The following TPP2 variants were observed in gnomAD, a reference collection of about 807,000 sequenced individuals.
TPP2 encodes the protein tripeptidyl-peptidase 2.
A neutral mutation model predicts 155.9 loss-of-function variants in TPP2; 34 were observed. The observed-to-expected ratio is 0.22, with a 90% CI of 0.17 to 0.29. The LOEUF (loss-of-function observed/expected upper bound fraction) is 0.29. TPP2 is among the 10% of genes least tolerant of loss of function. The pLI, the probability that TPP2 is intolerant of heterozygous loss-of-function variation, is 1.00. For missense variants in TPP2, 1,028 were observed against 1,522.3 expected (o/e 0.68, Z 5.40); for synonymous variants, 510 against 529.4 (o/e 0.96, Z 0.50).
At chr13:102,602,242 AT>A (rs1404335642) in intron 1 of TPP2, among the ~76,000 whole-genome samples, 1 of 152,016 alleles carries the variant, frequency 6.6e-6, no homozygotes, top group Admixed American at 6.6e-5. Flanking sequence ...TTTTGTTTCC[AT>A]TTTTATTTTG....
At chr13:102,677,016 C>T (rs930370899) in intron 29 of TPP2, among the ~76,000 whole-genome samples, 1 of 152,140 alleles carries the variant, frequency 6.6e-6, no homozygotes, top group Admixed American at 6.5e-5. Flanking sequence ...CCAGATTCAG[C>T]TAAAGGGCAA....
chr13:102,598,487 A>G (rs1021965504), intron 1 of TPP2, among the ~76,000 whole-genome samples: 3 of 152,256 alleles, frequency 2.0e-5, no homozygotes, highest in African/African-American at 7.2e-5. Context: ...TTTGTGAATC[A>G]GAAGAGGATC....
At chr13:102,643,965 G>A (rs1882934054) in intron 17 of TPP2, among the ~76,000 whole-genome samples, 1 of 152,100 alleles carries the variant, frequency 6.6e-6, no homozygotes, top group African/African-American at 2.4e-5. Flanking sequence ...ACTTTCATTT[G>A]TGTTCTTCCA....
chr13:102,627,709 G>A (rs1881732793), intron 7 of TPP2, 139 bp from the exon 8 acceptor site: 1 of 597,922 alleles, frequency 1.7e-6, no homozygotes, highest in Non-Finnish European at 2.9e-6. Context: ...CCAGGTATAT[G>A]GTGATATGCC....
At chr13:102,621,048 C>G (rs148867720) in intron 5 of TPP2, among the ~76,000 whole-genome samples, 164 of 152,340 alleles carry the variant, frequency 1.1e-3, no homozygotes, top group African/African-American at 3.7e-3. Context: ...TGTATTCTAG[C>G]TGCTACTTGA....
At chr13:102,617,581 T>C (rs144840485) in intron 4 of TPP2, among the ~76,000 whole-genome samples, 45 of 152,322 alleles carry the variant, frequency 3.0e-4, no homozygotes, top group African/African-American at 1.1e-3. Flanking sequence ...TGTGACAGCC[T>C]CAGATTATCA....
intron 1 of TPP2, among the ~76,000 whole-genome samples, chr13:102,600,787 T>C (rs1312970608): frequency 6.6e-6 from 1 of 152,208 alleles, no homozygotes; most frequent in Non-Finnish European, 1.5e-5. Flanking sequence ...AAAATTTTAT[T>C]ACCTCTCTTT....
intron 15 of TPP2, 46 bp from the exon 16 acceptor site, chr13:102,640,224 G>A: frequency 7.4e-7 from 1 of 1,350,692 alleles, no homozygotes; most frequent in Non-Finnish European, 1.0e-6. Context: ...AGTATCTGTG[G>A]TCTTATAATA....
chr13:102,640,193 C>T lies in TPP2; in HGVS notation c.1914-77C>T, dbSNP rs564882029. 67 of 1,081,434 alleles carry T rather than the reference C, an allele frequency of 6.2e-5. 1 individual carries two copies. The African/African-American group carries it at 8.7e-4, about 14-fold the overall frequency. The allele number at this position is 1,081,434 out of a possible 1,614,324, so 67.0% of individuals were successfully genotyped here. On this transcript the variant is annotated intron_variant, in intron 15 of 29. Transcript: ENST00000376052. The stretch of plus-strand genomic sequence containing the variant: ...TTATTTCCAATGAATTGTTATTTTG[C>T]GTTTATCCAATGAAATCTAGAGTAT...
At chr13:102,601,453 T>C (rs1291816649) in intron 1 of TPP2, among the ~76,000 whole-genome samples, 1 of 152,232 alleles carries the variant, frequency 6.6e-6, no homozygotes, top group Non-Finnish European at 1.5e-5. Context: ...CTAACTCCTC[T>C]ACCTTACTGG....
At chr13:102,610,334 T>C (rs2139428418) in intron 2 of TPP2, among the ~76,000 whole-genome samples, 1 of 152,150 alleles carries the variant, frequency 6.6e-6, no homozygotes, top group African/African-American at 2.4e-5. Context: ...GTTCCAGCAA[T>C]TTTCCTGCCT....
intron 27 of TPP2, among the ~76,000 whole-genome samples, chr13:102,666,766 C>CTTTTTTTTTTTTTTTATTTTT (rs1884628853): frequency 1.8e-5 from 1 of 55,730 alleles, no homozygotes; most frequent in Admixed American, 2.5e-4. Flanking sequence ...TTTTTAATCT[C>CTTTTTTTTTTTTTTTATTTTT]TTTTTTTTTT....
At chr13:102,659,963 TAAA>T (rs1461498516) in intron 25 of TPP2, among the ~76,000 whole-genome samples, 2 of 143,996 alleles carry the variant, frequency 1.4e-5, no homozygotes, top group East Asian at 4.1e-4. Context: ...TGTATTGGGC[TAAA>T]AAAATGACTG....
intron 25 of TPP2, among the ~76,000 whole-genome samples, chr13:102,657,538 CTG>C (rs1566363384): frequency 2.0e-5 from 3 of 151,952 alleles, no homozygotes; most frequent in Middle Eastern, 3.4e-3. Flanking sequence ...TTTTTTTCCT[CTG>C]TGTTTGTACA....
chr13:102,638,588 C>G (rs943373055), intron 15 of TPP2, among the ~76,000 whole-genome samples: 1 of 152,190 alleles, frequency 6.6e-6, no homozygotes, highest in Non-Finnish European at 1.5e-5. Flanking sequence ...TTGCCCAGTT[C>G]AGAGGATAAC....
At position 102,633,230 on chromosome 13, in the gene TPP2, C is replaced by T. The variant is rs114572597; in HGVS notation, c.1245-720C>T. On this transcript the variant is annotated intron_variant, in intron 10 of 29. Coordinates refer to ENST00000376052, the MANE Select transcript of TPP2 (RefSeq NM_001330588.2). ...ATGAATTCTGAGGGTTTTAATTCAT[C>T]AGACTTTGCTTGTTTGAAGCCCTCA... 5.2e-3 allele frequency among the ~76,000 whole-genome samples: 794 copies of T among 152,276 alleles called. 6 individuals are homozygous for T. Among genetic ancestry groups the T allele is most frequent in the African/African-American group, 0.018 (740 of 41,528 alleles).
At position 102,636,174 on chromosome 13, in the gene TPP2, AT is replaced by A. The variant is rs771983532; in HGVS notation, c.1510-44del. 7.1e-5 allele frequency: 107 copies of A among 1,502,582 alleles called. 1 individual carries two copies. Among genetic ancestry groups the A allele is most frequent in the South Asian group, 5.4e-4 (40 of 74,252 alleles). 93.1% of individuals were successfully genotyped at this position (1,502,582 alleles called of 1,614,324 possible). A position where few individuals can be genotyped will look rare whatever the true frequency, so the allele number is the denominator to read the frequency against. On this transcript the variant is annotated intron_variant, in intron 12 of 29. Coordinates refer to ENST00000376052, the MANE Select transcript of TPP2 (RefSeq NM_001330588.2). ...ATTGATTGGTAATTTGCAACAAAAT[AT>A]TTTTTGACCCAACCATTTATATCTT...
At chr13:102,639,689 A>G (rs142333521) in intron 15 of TPP2, among the ~76,000 whole-genome samples, 36 of 152,340 alleles carry the variant, frequency 2.4e-4, no homozygotes, top group African/African-American at 8.7e-4. Context: ...CACTCATTTA[A>G]CCGTTTGTCC....
rs1203965727 is a variant in TPP2, at chr13:102,664,692, C to G, written c.3241-103C>G. On this transcript the variant is annotated intron_variant, in intron 26 of 29. Coordinates refer to ENST00000376052, the MANE Select transcript of TPP2 (RefSeq NM_001330588.2). ...CTACAAGTCAATTACATAGTTTACTCACACTGCAGTTGTAGGTCTCATGGT... is the reference window on the plus strand; with the variant it reads ...CTACAAGTCAATTACATAGTTTACTGACACTGCAGTTGTAGGTCTCATGGT... 50 of 1,176,314 alleles carry G rather than the reference C, an allele frequency of 4.3e-5. No individual in the cohort carries two copies. The South Asian group carries it at 7.2e-4, about 17-fold the overall frequency. 72.9% of individuals were successfully genotyped at this position (1,176,314 alleles called of 1,614,324 possible). A position where few individuals can be genotyped will look rare whatever the true frequency, so the allele number is the denominator to read the frequency against.
Sources: allele counts gnomAD v4.1 joint callset (sites outside exome capture counted in the v4.1 genomes callset), GRCh38; gene constraint gnomAD v4.1.1; transcripts MANE v1.5; gene names NCBI Gene and HGNC (gene_info 2026-07-23, HGNC 2026-07-21).